The following OAS2 variants were observed in gnomAD, a reference collection of about 807,000 sequenced individuals.
The protein encoded by OAS2 is 2'-5'-oligoadenylate synthetase 2, also known as 2'-5'-oligoadenylate synthase 2.
In OAS2, 67 loss-of-function variants were observed where a neutral mutation model predicts 71.3. That is an observed-to-expected ratio of 0.94 (90% CI 0.77 to 1.15). The LOEUF (loss-of-function observed/expected upper bound fraction) is 1.15. OAS2 is among the 50% of genes most tolerant of loss of function. OAS2 has a pLI of 0.00. For missense variants in OAS2, 789 were observed against 822.5 expected (o/e 0.96, Z 0.50); for synonymous variants, 327 against 321.8 (o/e 1.02, Z -0.17).
At chr12:112,979,351 G>T (rs1404672782) in intron 1 of OAS2, among the ~76,000 whole-genome samples, 1 of 152,120 alleles carries the variant, frequency 6.6e-6, no homozygotes, top group Non-Finnish European at 1.5e-5. Flanking sequence ...GGGCGTGGGG[G>T]TCCTGATGGC....
chr12:112,996,054 A>G (rs1006220671), intron 3 of OAS2, among the ~76,000 whole-genome samples: 2 of 152,186 alleles, frequency 1.3e-5, no homozygotes, highest in African/African-American at 4.8e-5. Context: ...TGCCCACCTC[A>G]GCCTCCCAAA....
intron 1 of OAS2, among the ~76,000 whole-genome samples, chr12:112,984,859 C>A (rs1300122524): frequency 1.3e-5 from 2 of 152,110 alleles, no homozygotes; most frequent in South Asian, 2.1e-4. Flanking sequence ...TGAATTCCCT[C>A]TGTTTTTGCT....
intron 1 of OAS2, among the ~76,000 whole-genome samples, chr12:112,983,050 C>T (rs1226422339): frequency 6.6e-6 from 1 of 152,032 alleles, no homozygotes; most frequent in Admixed American, 6.6e-5. Flanking sequence ...TTTTATTTTA[C>T]TTGGGTCTTC....
At chr12:112,984,844 G>C (rs2044117968) in intron 1 of OAS2, among the ~76,000 whole-genome samples, 1 of 152,098 alleles carries the variant, frequency 6.6e-6, no homozygotes, top group Non-Finnish European at 1.5e-5. Flanking sequence ...CTAGTCTAGT[G>C]GTGATGAATT....
intron 5 of OAS2, among the ~76,000 whole-genome samples, chr12:113,000,224 G>A (rs1313750556): frequency 1.3e-5 from 2 of 152,250 alleles, no homozygotes; most frequent in Middle Eastern, 6.8e-3. Flanking sequence ...ACAGCCCATT[G>A]GGATGATTTC....
At chr12:112,991,490 A>G (rs1383496992) in intron 2 of OAS2, among the ~76,000 whole-genome samples, 1 of 152,064 alleles carries the variant, frequency 6.6e-6, no homozygotes, top group African/African-American at 2.4e-5. Flanking sequence ...TGAGACATCA[A>G]TCAACATATG....
chr12:112,992,369 C>G (rs1321165115), intron 2 of OAS2, among the ~76,000 whole-genome samples: 2 of 131,510 alleles, frequency 1.5e-5, no homozygotes, highest in African/African-American at 2.9e-5. Flanking sequence ...CCAGCCTGGA[C>G]AACGGAGCAA....
intron 6 of OAS2, among the ~76,000 whole-genome samples, chr12:113,003,862 G>A (rs2044309528): frequency 6.6e-6 from 1 of 152,180 alleles, no homozygotes; most frequent in Non-Finnish European, 1.5e-5. Flanking sequence ...GAGAAGAGGG[G>A]CCTGGGAAAT....
At chr12:112,987,572 A>C in intron 2 of OAS2, 1 of 1,302,656 alleles carries the variant, frequency 7.7e-7, no homozygotes, top group Non-Finnish European at 9.7e-7. Flanking sequence ...CATACTGTAC[A>C]CATAAATCAC....
rs759109350 is a variant in OAS2, at chr12:112,987,251, G to T, written c.391G>T (p.Val131Leu). Residue 131 changes from valine to leucine, a missense_variant, in exon 2 of 10, where the codon GTG becomes TTG. Coordinates refer to ENST00000392583, the MANE Select transcript of OAS2 (RefSeq NM_002535.3). Reference sequence around the variant, plus strand: ...GTCCCTTGATGGGTTCACCATCCAGGTGTTCACAAAAAATCAGAGAATCTC... The same window carrying T: ...GTCCCTTGATGGGTTCACCATCCAGTTGTTCACAAAAAATCAGAGAATCTC... ...QKSLDGFTIQ[V>L]FTKNQRISFE... is the part of the protein sequence containing the mutation. 1.2e-6 allele frequency: 2 copies of T among 1,614,212 alleles called. No individual in the cohort carries two copies. The highest frequency in any genetic ancestry group is 1.1e-5 in the South Asian group (1 of 91,088).
Position 113,004,808 on chromosome 12 carries a change from A to G in OAS2, c.1180-126A>G, listed in dbSNP as rs565588341. ...ACCCTTTGCTTTGGACTCAGCCCTCACTGAACCCTAACGCAGAACTTGGCC... is the reference window on the plus strand; with the variant it reads ...ACCCTTTGCTTTGGACTCAGCCCTCGCTGAACCCTAACGCAGAACTTGGCC... On this transcript the variant is annotated intron_variant, in intron 6 of 9. Transcript: ENST00000392583. 2.5e-4 allele frequency: 208 copies of G among 839,302 alleles called. 2 individuals carry two copies. The South Asian group carries it at 3.0e-3, about 12-fold the overall frequency. The allele number at this position is 839,302 out of a possible 1,614,324, so 52.0% of individuals were successfully genotyped here.
intron 3 of OAS2, among the ~76,000 whole-genome samples, chr12:112,996,375 T>C (rs1049430771): frequency 4.6e-5 from 7 of 152,216 alleles, no homozygotes; most frequent in African/African-American, 9.7e-5. Flanking sequence ...TGTGTACATA[T>C]ATGCGTGTAA....
At chr12:113,005,398 C>A (rs2044322885) in intron 7 of OAS2, among the ~76,000 whole-genome samples, 176 bp downstream of exon 7, 1 of 152,102 alleles carries the variant, frequency 6.6e-6, no homozygotes, top group Admixed American at 6.6e-5. Flanking sequence ...GGTCCCATTT[C>A]TCTTTTCCAA....
chr12:112,997,360 C>T (rs1359424374), intron 3 of OAS2, among the ~76,000 whole-genome samples, 160 bp from the exon 4 acceptor site: 1 of 152,112 alleles, frequency 6.6e-6, no homozygotes, highest in Non-Finnish European at 1.5e-5. Context: ...CCAGTTGTTC[C>T]ACATCTTTGT....
chr12:112,986,993 AC>A (rs2044143187), intron 1 of OAS2, 44 bp from the exon 2 acceptor site: 2 of 1,557,576 alleles, frequency 1.3e-6, no homozygotes, highest in Non-Finnish European at 1.7e-6. Flanking sequence ...GATCCCTGTA[AC>A]CCCAGAATCT....
Position 113,007,696 on chromosome 12 carries a change from CTT to C in OAS2, c.1657-8_1657-7del. On this transcript the variant is annotated splice_polypyrimidine_tract_variant and splice_region_variant and intron_variant, in intron 8 of 9. Coordinates refer to ENST00000392583, the MANE Select transcript of OAS2 (RefSeq NM_002535.3). The stretch of plus-strand genomic sequence containing the variant: ...AACCAGTTCGTCTGATGTTCCCACT[CTT>C]ACCTAGTGTGAAAGGAAACTGAAGC... 1.2e-6 allele frequency: 2 copies of C among 1,610,104 alleles called. No individual in the cohort carries two copies. Among genetic ancestry groups the C allele is most frequent in the Non-Finnish European group, 1.7e-6 (2 of 1,176,624 alleles).
intron 2 of OAS2, among the ~76,000 whole-genome samples, chr12:112,994,546 T>A (rs1289299036): frequency 6.6e-6 from 1 of 152,138 alleles, no homozygotes; most frequent in East Asian, 1.9e-4. Context: ...CTTAGCCTCC[T>A]GAGTAGCTGG....
chr12:113,000,843 T>A (rs1005788255), intron 5 of OAS2, among the ~76,000 whole-genome samples: 3 of 152,232 alleles, frequency 2.0e-5, no homozygotes, highest in African/African-American at 7.2e-5. Flanking sequence ...ATAGGCACCG[T>A]CCTCAGCAAC....
chr12:112,979,445 C>T (rs1179300560), intron 1 of OAS2, among the ~76,000 whole-genome samples: 1 of 152,214 alleles, frequency 6.6e-6, no homozygotes, highest in Non-Finnish European at 1.5e-5. Context: ...CCCTTGCACA[C>T]ATCCGCTAGT....
Sources: gnomAD v4.1 joint callset for allele counts (sites outside exome capture counted in the v4.1 genomes callset) on GRCh38, gnomAD v4.1.1 for gene constraint, MANE v1.5 for transcripts, NCBI Gene and HGNC (gene_info 2026-07-23, HGNC 2026-07-21) for gene names.